Variants in NCAM1 observed in about 807,000 individuals in gnomAD.
NCAM1 encodes the protein antigen recognized by monoclonal antibody 5.1H11.
Under a neutral mutation model 109.8 loss-of-function variants are expected in NCAM1, and 14 were observed. The observed-to-expected ratio is 0.13, with a 90% CI of 0.08 to 0.20. The LOEUF (loss-of-function observed/expected upper bound fraction) is 0.20. Ranked by LOEUF, NCAM1 falls within the 10% of genes least tolerant of loss-of-function variation. The probability of loss-of-function intolerance (pLI) is 1.00; values close to 1 mark genes in which losing one functional copy is unlikely to be tolerated. For missense variants in NCAM1, 774 were observed against 1,109.9 expected, an observed-to-expected ratio of 0.70 and a Z score of 4.30; for synonymous variants, 418 against 442.9, an observed-to-expected ratio of 0.94 and a Z score of 0.70.
At position 113,233,055 on chromosome 11, in the gene NCAM1, C is replaced by A. The variant is rs1480010562; in HGVS notation, c.1523-92C>A. On this transcript the variant is annotated intron_variant, in intron 12 of 19. Transcript: ENST00000316851. This position sits in a 1 kb window ranked among gnomAD's most constrained non-coding sequence, Gnocchi z 4.5. ...CAGTGACAGGATTCCCAAGAGTGAG[C>A]AGAAATGACAGAGATGTGCCTTGTG... 2 of 1,302,982 alleles carry A rather than the reference C, an allele frequency of 1.5e-6. No individual in the cohort carries two copies. The highest frequency in any genetic ancestry group is 2.1e-6 in the Non-Finnish European group (2 of 937,676). The allele number at this position is 1,302,982 out of a possible 1,614,324, so 80.7% of individuals were successfully genotyped here.
chr11:113,259,196 C>T (rs1159101505), intron 16 of NCAM1, among the ~76,000 whole-genome samples: 1 of 150,556 alleles, frequency 6.6e-6, no homozygotes, highest in East Asian at 2.0e-4. Context: ...GGACTACAGG[C>T]GCCCGCCACT....
chr11:113,029,958 C>G (rs576495197), intron 1 of NCAM1, among the ~76,000 whole-genome samples: 6 of 152,274 alleles, frequency 3.9e-5, no homozygotes, highest in South Asian at 4.1e-4. Context: ...GACTGATTGT[C>G]AGTCCTCTCC....
chr11:113,041,714 A>G (rs1018862415), intron 1 of NCAM1, among the ~76,000 whole-genome samples: 4 of 152,116 alleles, frequency 2.6e-5, no homozygotes, highest in African/African-American at 9.7e-5. Context: ...GTTCTCCACC[A>G]TTTAAAACAA....
intron 14 of NCAM1, among the ~76,000 whole-genome samples, chr11:113,245,512 G>A (rs1555120000): frequency 6.6e-6 from 1 of 152,178 alleles, no homozygotes; most frequent in Non-Finnish European, 1.5e-5. Flanking sequence ...TTGGGCCAAA[G>A]GTACAGTTTC....
chr11:113,151,710 A>G (rs552673428), intron 1 of NCAM1, among the ~76,000 whole-genome samples: 66 of 152,362 alleles, frequency 4.3e-4, no homozygotes, highest in African/African-American at 1.6e-3. Context: ...CTTTTAATGC[A>G]GGGGCAAGGT....
In NCAM1 at chr11:113,118,638, G is replaced by A. The variant is rs781955112; in HGVS notation, c.53-83741G>A. Among the ~76,000 whole-genome samples, 59 of 152,056 alleles carry A rather than the reference G, an allele frequency of 3.9e-4. 1 individual carries two copies. Among genetic ancestry groups the A allele is most frequent in the African/African-American group, 1.3e-3 (54 of 41,352 alleles). ...CAATGAATTCCCCAGTGCCTGGCCC[G>A]ATTCGTGGCCTCTAGAGGTGTCCAG... On this transcript the variant is annotated intron_variant, in intron 1 of 19. Coordinates refer to ENST00000316851, the MANE Select transcript of NCAM1 (RefSeq NM_181351.5).
In NCAM1 at chr11:113,204,429, G is replaced by T. The variant is rs370887465; in HGVS notation, c.271G>T (p.Ala91Ser). 15 of 1,613,850 alleles carry T rather than the reference G, an allele frequency of 9.3e-6. No homozygotes were observed. Among genetic ancestry groups the T allele is most frequent in the East Asian group, 2.2e-5 (1 of 44,892 alleles). Residue 91 changes from alanine to serine, a missense_variant, in exon 3 of 20, where the codon GCC becomes TCC. Around this residue, in one of 4 missense-constraint regions of NCAM1, gnomAD observed 112 missense variants for 142.0 expected, o/e 0.79. Coordinates refer to ENST00000316851, the MANE Select transcript of NCAM1 (RefSeq NM_181351.5). ...LTIYNANIDD[A>S]GIYKCVVTGE... ...CATCTATAACGCCAACATCGACGAC[G>T]CCGGCATTTACAAGTGTGTGGTTAC...
At chr11:113,211,188 C>T (rs1033900170) in intron 7 of NCAM1, among the ~76,000 whole-genome samples, 60 of 152,176 alleles carry the variant, frequency 3.9e-4, no homozygotes, top group African/African-American at 1.4e-3. Context: ...TATTTCCTTT[C>T]CAGCCCCTTC....
rs374910940 is a variant in NCAM1 at position 113,222,887 on chromosome 11, G to T, written c.1089+1562G>T. Among the ~76,000 whole-genome samples, 73 of 152,246 alleles carry T rather than the reference G, an allele frequency of 4.8e-4. 1 individual carries two copies. In the South Asian group the frequency reaches 0.015, roughly 31 times the overall value. On this transcript the variant is annotated intron_variant, in intron 9 of 19. Coordinates refer to ENST00000316851, the MANE Select transcript of NCAM1 (RefSeq NM_181351.5). ...CGTAATTGACTTTCAAGTGAATGCTGCCCCTAGGGCTCAGAAGTTCCATTC... is the reference window on the plus strand; with the variant it reads ...CGTAATTGACTTTCAAGTGAATGCTTCCCCTAGGGCTCAGAAGTTCCATTC...
At chr11:113,088,391 G>A (rs1555088647) in intron 1 of NCAM1, among the ~76,000 whole-genome samples, 1 of 152,150 alleles carries the variant, frequency 6.6e-6, no homozygotes, top group East Asian at 1.9e-4. Flanking sequence ...CCATTCTGTT[G>A]TAGTCATTAT....
chr11:113,095,518 G>A (rs564956141), intron 1 of NCAM1, among the ~76,000 whole-genome samples: 2 of 152,324 alleles, frequency 1.3e-5, no homozygotes, highest in Admixed American at 1.3e-4. Flanking sequence ...CTGTGAAAAG[G>A]CACTGGCTCC....
At chr11:113,011,964 TTTCC>T (rs200929273) in intron 1 of NCAM1, among the ~76,000 whole-genome samples, 9,987 of 113,982 alleles carry the variant, frequency 0.088, 447 homozygotes, top group African/African-American at 0.12. Context: ...CCTTCTCTCC[TTTCC>T]TTCCTTCCTT....
At chr11:113,140,946 T>G (rs931251227) in intron 1 of NCAM1, among the ~76,000 whole-genome samples, 1 of 152,194 alleles carries the variant, frequency 6.6e-6, no homozygotes, top group Non-Finnish European at 1.5e-5. Context: ...TCATTGTTGT[T>G]TTTATCTGGT....
rs183746190 is a variant in NCAM1 at position 113,041,709 on chromosome 11, C to T, written c.52+80045C>T. ...AAAAAATTATTTTAAGATTTGTTCT[C>T]CACCATTTAAAACAACAACAGCAAC... On this transcript the variant is annotated intron_variant, in intron 1 of 19. Coordinates refer to ENST00000316851, the MANE Select transcript of NCAM1 (RefSeq NM_181351.5). Among the ~76,000 whole-genome samples the T allele has an allele frequency of 6.6e-5, 10 of 152,164 alleles. No homozygotes were observed. The East Asian group carries it at 1.5e-3, about 24-fold the overall frequency.
intron 1 of NCAM1, among the ~76,000 whole-genome samples, chr11:113,055,129 C>G (rs1276173136): frequency 6.6e-6 from 1 of 152,160 alleles, no homozygotes; most frequent in Non-Finnish European, 1.5e-5. Flanking sequence ...TGCCTTATTT[C>G]CATAAATTTT....
At chr11:113,186,764 G>A (rs1405858197) in intron 1 of NCAM1, among the ~76,000 whole-genome samples, 4 of 152,236 alleles carry the variant, frequency 2.6e-5, no homozygotes, top group Non-Finnish European at 4.4e-5. Context: ...CAGCTGATCA[G>A]GGTCTCATGG....
chr11:113,051,587 A>G (rs1953493456), intron 1 of NCAM1, among the ~76,000 whole-genome samples: 1 of 152,210 alleles, frequency 6.6e-6, no homozygotes, highest in Non-Finnish European at 1.5e-5. Flanking sequence ...TTGTTTATGT[A>G]CAAACATATA....
chr11:113,207,321 C>A lies in NCAM1; in HGVS notation c.689C>A (p.Ser230Tyr), dbSNP rs1177854444. The change falls in exon 6 of 20, where the codon TCC becomes TAC. Residue 230 changes from serine (S) to tyrosine (Y), a missense_variant. Physicochemically the swap from Ser to Tyr is moderately radical, Grantham distance 144 (BLOSUM62 -2). Around this residue, in one of 4 missense-constraint regions of NCAM1, gnomAD observed 523 missense variants for 784.2 expected, o/e 0.67. Transcript: ENST00000316851. ...IVNATANLGQSVTLVCDAEGF... is the reference protein window; with the variant it reads ...IVNATANLGQYVTLVCDAEGF... Reference sequence around the variant, plus strand: ...AATGCCACCGCCAACCTCGGCCAGTCCGTCACCCTGGTGTGCGATGCCGAA... The same window carrying A: ...AATGCCACCGCCAACCTCGGCCAGTACGTCACCCTGGTGTGCGATGCCGAA... 6.2e-7 allele frequency: 1 copy of A among 1,613,936 alleles called. No homozygotes were observed. Among genetic ancestry groups the A allele is most frequent in the Non-Finnish European group, 8.5e-7 (1 of 1,179,916 alleles).
chr11:113,222,589 G>A (rs1371371456), intron 9 of NCAM1, among the ~76,000 whole-genome samples: 1 of 152,190 alleles, frequency 6.6e-6, no homozygotes, highest in Non-Finnish European at 1.5e-5. Flanking sequence ...TTGTCCAAAA[G>A]TCATGGACCC....
Sources: allele counts gnomAD v4.1 joint callset (sites outside exome capture counted in the v4.1 genomes callset), GRCh38; gene constraint gnomAD v4.1.1; regional missense constraint gnomAD v4.1.1; non-coding constraint Gnocchi (gnomAD v3.1); transcripts MANE v1.5; gene names NCBI Gene and HGNC (gene_info 2026-07-23, HGNC 2026-07-21).